Variants in CSMD3 observed in about 807,000 individuals in gnomAD.
The protein encoded by CSMD3 is CUB and Sushi multiple domains 3, also known as CUB and sushi domain-containing protein 3.
Under a neutral mutation model 435.2 loss-of-function variants are expected in CSMD3, and 177 were observed. The ratio of observed to expected loss-of-function variants is 0.41; its 90% CI spans 0.36 to 0.46. The LOEUF (loss-of-function observed/expected upper bound fraction) is 0.46. Among genes scored for constraint, CSMD3 ranks in the 20% least tolerant of loss-of-function variants. The pLI is 0.34. For missense variants in CSMD3, 4,265 were observed against 4,504.6 expected (o/e 0.95, Z 1.52); for synonymous variants, 1,656 against 1,520.5 (o/e 1.09, Z -2.07).
rs60034512 is a variant in CSMD3, at chr8:112,678,516, G to A, written c.2677+3926C>T. ...ATCTGGTAAAGCAAATCAGAGCTGAGAAAAATAAGTTAATTATGGCTATAA... is the reference window on the plus strand; with the variant it reads ...ATCTGGTAAAGCAAATCAGAGCTGAAAAAAATAAGTTAATTATGGCTATAA... On this transcript the variant is annotated intron_variant, in intron 16 of 70. Coordinates refer to ENST00000297405, the MANE Select transcript of CSMD3 (RefSeq NM_198123.2). 2.6e-3 allele frequency among the ~76,000 whole-genome samples: 389 copies of A among 152,216 alleles called. 3 individuals are homozygous for A. The highest frequency in any genetic ancestry group is 8.9e-3 in the African/African-American group (368 of 41,538).
intron 52 of CSMD3, among the ~76,000 whole-genome samples, chr8:112,302,762 C>G (rs1473325459): frequency 6.6e-6 from 1 of 151,760 alleles, no homozygotes; most frequent in Non-Finnish European, 1.5e-5. Flanking sequence ...TTCAAACTTG[C>G]AAGAGTTGCA....
At chr8:112,910,425 C>T (rs1467701326) in intron 10 of CSMD3, among the ~76,000 whole-genome samples, 4 of 151,738 alleles carry the variant, frequency 2.6e-5, no homozygotes, top group Admixed American at 2.0e-4. Flanking sequence ...GAGGGTTCTG[C>T]CATTTGAGAA....
chr8:113,386,835 A>G (rs547462156), intron 1 of CSMD3, among the ~76,000 whole-genome samples: 1 of 152,006 alleles, frequency 6.6e-6, no homozygotes, highest in Admixed American at 6.6e-5. Context: ...GCAAACTATT[A>G]CTTCAAATGT....
At chr8:112,952,361 T>C (rs1219143365) in intron 8 of CSMD3, among the ~76,000 whole-genome samples, 4 of 151,692 alleles carry the variant, frequency 2.6e-5, no homozygotes, top group Non-Finnish European at 4.4e-5. Context: ...CATCATAGAA[T>C]TGATCTTTTT....
chr8:113,387,169 G>A (rs934165094), intron 1 of CSMD3, among the ~76,000 whole-genome samples: 3 of 151,678 alleles, frequency 2.0e-5, no homozygotes, highest in Non-Finnish European at 3.0e-5. Flanking sequence ...CATACTTGCT[G>A]GTTTCATTGT....
intron 1 of CSMD3, among the ~76,000 whole-genome samples, chr8:113,420,894 A>T (rs1297513894): frequency 3.3e-5 from 5 of 151,954 alleles, no homozygotes; most frequent in Admixed American, 3.3e-4. Context: ...AGGTTGTAGT[A>T]GCTGAGATCG....
At position 113,073,074 on chromosome 8, in the gene CSMD3, C is replaced by T. The variant is rs2089193984; in HGVS notation, c.917+25682G>A. Among the ~76,000 whole-genome samples, 3 of 151,870 alleles carry T rather than the reference C, an allele frequency of 2.0e-5. No individual in the cohort carries two copies. The South Asian group carries it at 6.2e-4, about 31-fold the overall frequency. ...CTAAATATATCAAATTCATTATAAT[C>T]AGGAAATCTCTCCCGAATTTTCCTT... On this transcript the variant is annotated intron_variant, in intron 5 of 70. Coordinates refer to ENST00000297405, the MANE Select transcript of CSMD3 (RefSeq NM_198123.2).
intron 1 of CSMD3, among the ~76,000 whole-genome samples, chr8:113,346,703 ATC>A (rs1461673555): frequency 2.0e-5 from 3 of 149,518 alleles, no homozygotes; most frequent in African/African-American, 4.9e-5. Context: ...CTAAGAAAAT[ATC>A]TGAGAGAAAT....
chr8:113,240,317 T>C lies in CSMD3; in HGVS notation c.514+38275A>G, dbSNP rs546488654. On this transcript the variant is annotated intron_variant, in intron 3 of 70. Transcript: ENST00000297405. ...GTTGTGAACAGTGCTGCAATGAACA[T>C]ACATGTGCATGTATCTTTATAATAG... 2.5e-4 allele frequency among the ~76,000 whole-genome samples: 38 copies of C among 152,320 alleles called. No individual in the cohort carries two copies. The South Asian group carries it at 7.2e-3, about 29-fold the overall frequency.
At position 113,240,056 on chromosome 8, in the gene CSMD3, C is replaced by T. The variant is rs2132237525; in HGVS notation, c.514+38536G>A. On this transcript the variant is annotated intron_variant, in intron 3 of 70. Transcript: ENST00000297405. ...TGTGTGTTGTTCCCCTCTATGTGTC[C>T]ATGTGTTCTCATCATTTAGCTCTCA... Among the ~76,000 whole-genome samples the T allele has an allele frequency of 2.0e-5, 3 of 152,202 alleles. No individual in the cohort carries two copies. In the Middle Eastern group the frequency reaches 0.01, roughly 518 times the overall value.
At chr8:112,883,771 C>T (rs1335608136) in intron 10 of CSMD3, among the ~76,000 whole-genome samples, 1 of 151,842 alleles carries the variant, frequency 6.6e-6, no homozygotes, top group African/African-American at 2.4e-5. Flanking sequence ...TTTTCTCTTC[C>T]AGGATATTGT....
At chr8:112,903,687 C>T (rs1247831358) in intron 10 of CSMD3, among the ~76,000 whole-genome samples, 1 of 151,182 alleles carries the variant, frequency 6.6e-6, no homozygotes, top group African/African-American at 2.4e-5. Flanking sequence ...TCTCTCATCA[C>T]CTGCTGGATG....
At chr8:112,420,943 C>A (rs1041707002) in intron 32 of CSMD3, among the ~76,000 whole-genome samples, 3 of 152,176 alleles carry the variant, frequency 2.0e-5, no homozygotes, top group Non-Finnish European at 4.4e-5. Context: ...CTCCTACGCA[C>A]ACTCTGCCAT....
At chr8:113,221,058 A>C (rs2092960529) in intron 3 of CSMD3, among the ~76,000 whole-genome samples, 1 of 151,418 alleles carries the variant, frequency 6.6e-6, no homozygotes, top group South Asian at 2.1e-4. Flanking sequence ...TAAATATTTC[A>C]GATGAAAGGA....
intron 3 of CSMD3, among the ~76,000 whole-genome samples, chr8:113,241,429 G>A (rs767549092): frequency 6.6e-6 from 1 of 151,864 alleles, no homozygotes; most frequent in Non-Finnish European, 1.5e-5. Context: ...CTATGCCTAC[G>A]TTGATCTATT....
chr8:112,439,601 C>T (rs969068126), intron 32 of CSMD3, among the ~76,000 whole-genome samples: 2 of 152,048 alleles, frequency 1.3e-5, no homozygotes, highest in Non-Finnish European at 2.9e-5. Flanking sequence ...CTGCCTGACA[C>T]TACGTAATTT....
At chr8:112,479,414 T>G (rs987534311) in intron 31 of CSMD3, among the ~76,000 whole-genome samples, 4 of 152,098 alleles carry the variant, frequency 2.6e-5, no homozygotes, top group African/African-American at 9.7e-5. Flanking sequence ...GAAATTAGAA[T>G]GAGTAAAAGG....
At chr8:113,306,601 T>C (rs566125017) in intron 2 of CSMD3, among the ~76,000 whole-genome samples, 15 of 152,178 alleles carry the variant, frequency 9.9e-5, no homozygotes, top group African/African-American at 3.1e-4. Context: ...GCATCAAGTA[T>C]AGTGAGGAAA....
At chr8:112,766,167 A>C (rs1001443592) in intron 13 of CSMD3, among the ~76,000 whole-genome samples, 2 of 151,806 alleles carry the variant, frequency 1.3e-5, no homozygotes, top group Non-Finnish European at 2.9e-5. Flanking sequence ...GGGAAAAAAT[A>C]TAATCACATA....
Sources: gnomAD v4.1 joint callset for allele counts (sites outside exome capture counted in the v4.1 genomes callset) on GRCh38, gnomAD v4.1.1 for gene constraint, MANE v1.5 for transcripts, NCBI Gene and HGNC (gene_info 2026-07-23, HGNC 2026-07-21) for gene names.